The following RNFT2 variants were observed in gnomAD, a reference collection of about 807,000 sequenced individuals.
RNFT2 encodes ring finger protein, transmembrane 2, also known as E3 ubiquitin-protein ligase RNFT2.
A neutral mutation model predicts 53.0 loss-of-function variants in RNFT2; 36 were observed. The observed-to-expected ratio is 0.68, with a 90% confidence interval of 0.52 to 0.90. RNFT2 has a LOEUF of 0.90. Among genes scored for constraint, RNFT2 ranks in the 40% least tolerant of loss-of-function variants. The pLI is 0.00. For synonymous variants in RNFT2, 260 were observed against 253.2 expected (o/e 1.03, Z -0.26); for missense variants, 514 against 585.6 (o/e 0.88, Z 1.26).
chr12:116,773,994 T>C (rs769989838), intron 6 of RNFT2, among the ~76,000 whole-genome samples: 22 of 152,204 alleles, frequency 1.4e-4, no homozygotes, highest in Non-Finnish European at 2.9e-4. Flanking sequence ...TGACACATGC[T>C]GCAACATGGA....
intron 7 of RNFT2, among the ~76,000 whole-genome samples, chr12:116,818,340 G>A (rs1334285893): frequency 7.0e-6 from 1 of 143,320 alleles, no homozygotes; most frequent in African/African-American, 2.6e-5. Context: ...AAAAAAATCC[G>A]CTTTTTCGTC....
chr12:116,795,486 G>A (rs1476985414), intron 7 of RNFT2, among the ~76,000 whole-genome samples: 1 of 151,814 alleles, frequency 6.6e-6, no homozygotes, highest in Admixed American at 6.6e-5. Flanking sequence ...GTCTAATATA[G>A]TAGCTACAGG....
chr12:116,776,916 A>T (rs374554917), intron 6 of RNFT2, among the ~76,000 whole-genome samples: 10 of 125,924 alleles, frequency 7.9e-5, no homozygotes, highest in Admixed American at 2.7e-4. Context: ...TCAAAATGGG[A>T]TTTTTTTTTT....
At chr12:116,750,800 T>TATATATAATATATATGTATGTATATA (rs1872157833) in intron 4 of RNFT2, among the ~76,000 whole-genome samples, 1 of 59,728 alleles carries the variant, frequency 1.7e-5, no homozygotes, top group African/African-American at 5.9e-5. Context: ...TGTGTGTGTA[T>TATATATAATATATATGTATGTATATA]ATATATATAA....
intron 10 of RNFT2, among the ~76,000 whole-genome samples, chr12:116,847,335 C>T (rs995024693): frequency 1.3e-5 from 2 of 152,148 alleles, no homozygotes; most frequent in Non-Finnish European, 2.9e-5. Flanking sequence ...CCAATCAAGA[C>T]TCATGTGCTG....
intron 7 of RNFT2, among the ~76,000 whole-genome samples, chr12:116,799,886 T>C (rs535641524): frequency 1.3e-5 from 2 of 152,312 alleles, no homozygotes; most frequent in East Asian, 1.9e-4. Flanking sequence ...TAAAAAGTGA[T>C]TCCCCATTGT....
At chr12:116,769,783 G>T (rs1462968893) in intron 6 of RNFT2, among the ~76,000 whole-genome samples, 2 of 152,134 alleles carry the variant, frequency 1.3e-5, no homozygotes, top group Admixed American at 6.6e-5. Flanking sequence ...TGTAATCCCA[G>T]CACTTTGGGA....
At chr12:116,775,277 AAAG>A (rs1372901663) in intron 6 of RNFT2, among the ~76,000 whole-genome samples, 10 of 146,938 alleles carry the variant, frequency 6.8e-5, no homozygotes, top group Non-Finnish European at 1.0e-4. Flanking sequence ...AAAAAAAAAA[AAAG>A]AGAGAGAGAA....
intron 4 of RNFT2, 28 bp from the exon 5 acceptor site, chr12:116,753,956 T>G (rs1872374030): frequency 6.2e-7 from 1 of 1,602,728 alleles, no homozygotes; most frequent in Non-Finnish European, 8.5e-7. Flanking sequence ...TCTAAGTGGG[T>G]GACATCAGGC....
At chr12:116,838,906 G>A (rs1877111289) in intron 10 of RNFT2, among the ~76,000 whole-genome samples, 1 of 152,200 alleles carries the variant, frequency 6.6e-6, no homozygotes, top group Admixed American at 6.5e-5. Flanking sequence ...CATATGACCA[G>A]GCCAGGCACA....
At chr12:116,755,997 G>T in intron 5 of RNFT2, 1 of 659,368 alleles carries the variant, frequency 1.5e-6, no homozygotes, top group South Asian at 1.7e-5. Flanking sequence ...ATCAGGTAGT[G>T]TGATGCCTCC....
At chr12:116,782,579 G>C (rs1451356797) in intron 7 of RNFT2, among the ~76,000 whole-genome samples, 2 of 151,892 alleles carry the variant, frequency 1.3e-5, no homozygotes, top group Non-Finnish European at 2.9e-5. Context: ...TTTTCTAAAA[G>C]ACGTGGACAT....
At chr12:116,740,847 C>T (rs1284361949) in intron 2 of RNFT2, 189 bp from the exon 3 acceptor site, 3 of 641,070 alleles carry the variant, frequency 4.7e-6, no homozygotes, top group South Asian at 3.7e-5. Flanking sequence ...GATAGCTTTC[C>T]TCATGGGATA....
intron 8 of RNFT2, 75 bp from the exon 9 acceptor site, chr12:116,835,885 T>C (rs1418262413): frequency 1.3e-6 from 2 of 1,506,314 alleles, no homozygotes; most frequent in Non-Finnish European, 1.8e-6. Context: ...GGTCAGAGGA[T>C]GGGGTGGGGT....
chr12:116,817,395 A>G (rs1465928945), intron 7 of RNFT2, among the ~76,000 whole-genome samples: 1 of 151,886 alleles, frequency 6.6e-6, no homozygotes, highest in African/African-American at 2.4e-5. Context: ...AGCAATCCTC[A>G]TGCCTCAACC....
At chr12:116,790,483 C>G (rs1436370187) in intron 7 of RNFT2, among the ~76,000 whole-genome samples, 1 of 152,182 alleles carries the variant, frequency 6.6e-6, no homozygotes. Context: ...AAATAACTTG[C>G]AAAAGAGCGC....
At chr12:116,755,888 TAGA>T in intron 5 of RNFT2, 1 of 1,459,806 alleles carries the variant, frequency 6.9e-7, no homozygotes, top group Admixed American at 1.7e-5. Context: ...GGCGAATTAC[TAGA>T]AGATGGCAGT....
chr12:116,743,242 A>AAC lies in RNFT2; in HGVS notation c.83+2149_83+2150insCA, dbSNP rs1566066775. 2.1e-4 allele frequency among the ~76,000 whole-genome samples: 20 copies of AAC among 95,118 alleles called. 7 individuals carry two copies. The highest frequency in any genetic ancestry group is 4.6e-4 in the African/African-American group (9 of 19,586). 62.4% of individuals were successfully genotyped at this position (95,118 alleles called of 152,430 possible). ...AAAAAAAAAAAAAAAAAAAAAAAAAAAACCGGTTAAAAAACACTCATGAGC... is the reference window on the plus strand; with the variant it reads ...AAAAAAAAAAAAAAAAAAAAAAAAAAACAACCGGTTAAAAAACACTCATGAGC... On this transcript the variant is annotated intron_variant, in intron 3 of 10. Transcript: ENST00000257575.
intron 7 of RNFT2, among the ~76,000 whole-genome samples, chr12:116,807,955 C>G (rs1875165038): frequency 6.6e-6 from 1 of 152,120 alleles, no homozygotes; most frequent in Non-Finnish European, 1.5e-5. Context: ...AGGTGTGCAC[C>G]ACACTCAGCT....
Sources: allele counts gnomAD v4.1 joint callset (sites outside exome capture counted in the v4.1 genomes callset), GRCh38; gene constraint gnomAD v4.1.1; transcripts MANE v1.5; gene names NCBI Gene and HGNC (gene_info 2026-07-23, HGNC 2026-07-21).